Variants in LILRA1 observed in about 807,000 individuals in gnomAD.
The protein encoded by LILRA1 is leukocyte immunoglobulin like receptor A1, also known as leukocyte immunoglobulin-like receptor subfamily A member 1.
LILRA1 carries 51 observed loss-of-function variants against 51.6 expected under a neutral mutation model. The ratio of observed to expected loss-of-function variants is 0.99; its 90% CI spans 0.79 to 1.25. LILRA1 has a LOEUF of 1.25. LILRA1 is among the 50% of genes most tolerant of loss of function. The pLI is 0.00. For synonymous variants in LILRA1, 305 were observed against 248.4 expected (o/e 1.23, Z -2.14); for missense variants, 660 against 611.7 (o/e 1.08, Z -0.83).
In LILRA1 at chr19:54,595,252, C is replaced by T; in HGVS notation, c.511C>T (p.Gln171Ter). 4 of 1,614,110 alleles carry T rather than the reference C, an allele frequency of 2.5e-6. No homozygotes were observed. The highest frequency in any genetic ancestry group is 1.7e-6 in the Non-Finnish European group (2 of 1,180,004). The stretch of plus-strand genomic sequence containing the variant: ...TGAACACCCACAATGCCTGAACTCA[C>T]AGCCCCGTACCCATGGGTGGTCCCG... ...EDEHPQCLNS[Q>*]PRTHGWSRAI... The change falls in exon 5 of 10, where the codon CAG (glutamine) becomes TAG (stop). Residue 171 changes from glutamine to a stop codon, truncating the protein, a stop_gained. Coordinates refer to ENST00000251372, the MANE Select transcript of LILRA1 (RefSeq NM_006863.4). LOFTEE classifies it high-confidence loss of function.
At position 54,600,814 on chromosome 19, in the gene LILRA1, C is replaced by A; in HGVS notation, c.1467C>A (p.Leu489=). 1.2e-6 allele frequency: 2 copies of A among 1,614,106 alleles called. No individual in the cohort carries two copies. Among genetic ancestry groups the A allele is most frequent in the Non-Finnish European group, 8.5e-7 (1 of 1,179,982 alleles). Residue 489 remains leucine (L), a synonymous_variant, in exon 10 of 10, where the codon CTC becomes CTA. Coordinates refer to ENST00000251372, the MANE Select transcript of LILRA1 (RefSeq NM_006863.4). ...AGGCTCAGCACAGCCAGAGAAGCCT[C>A]TGAGATGCAGCCGGGAGGTGAACAG... ...LFEAQHSQRS[L]
At position 54,600,827 on chromosome 19, in the gene LILRA1, G is replaced by A. The variant is rs542847996; in HGVS notation, c.*10G>A. On this transcript the variant is annotated 3_prime_UTR_variant, in exon 10 of 10. Transcript: ENST00000251372. ...CCAGAGAAGCCTCTGAGATGCAGCCGGGAGGTGAACAGCAGAGAGAAGAAT... is the reference window on the plus strand; with the variant it reads ...CCAGAGAAGCCTCTGAGATGCAGCCAGGAGGTGAACAGCAGAGAGAAGAAT... The A allele has an allele frequency of 1.4e-5, 22 of 1,613,682 alleles. No homozygotes were observed. The Middle Eastern group carries it at 9.9e-4, about 73-fold the overall frequency.
chr19:54,595,572 G>C (rs1408211599), intron 5 of LILRA1, 67 bp from the exon 6 acceptor site: 10 of 1,560,494 alleles, frequency 6.4e-6, no homozygotes, highest in Non-Finnish European at 8.7e-6. Context: ...GAGGCCCCGG[G>C]GGAGAGGGAG....
intron 8 of LILRA1, 159 bp downstream of exon 8, chr19:54,599,445 T>C: frequency 7.8e-7 from 1 of 1,289,114 alleles, no homozygotes; most frequent in Middle Eastern, 3.1e-4. Flanking sequence ...AAGTATTTCA[T>C]TCCTTTACAT....
chr19:54,598,606 G>T (rs1017310531), intron 7 of LILRA1, among the ~76,000 whole-genome samples: 1 of 152,028 alleles, frequency 6.6e-6, no homozygotes, highest in African/African-American at 2.4e-5. Flanking sequence ...GCTTTAAATT[G>T]TTAATTTAGA....
Position 54,600,498 on chromosome 19 carries a change from GT to G in LILRA1, c.1313-9del. On this transcript the variant is annotated splice_polypyrimidine_tract_variant and intron_variant, in intron 8 of 9. Transcript: ENST00000251372. ...GGCTGGCTCAGGGCTCTTCCCCTCT[GT>G]TTTTATTCTCAGGAGCAGCTAACAC... is the stretch of plus-strand genomic sequence containing the variant. 6.2e-7 allele frequency: 1 copy of G among 1,614,078 alleles called. No individual in the cohort carries two copies. The highest frequency in any genetic ancestry group is 8.5e-7 in the Non-Finnish European group (1 of 1,179,972).
chr19:54,596,542 CT>C (rs1157727718), intron 7 of LILRA1, 51 bp downstream of exon 7: 1 of 1,610,468 alleles, frequency 6.2e-7, no homozygotes, highest in African/African-American at 1.3e-5. Flanking sequence ...AGCTCAGGCC[CT>C]GCCCCCCAGG....
Position 54,600,810 on chromosome 19 carries a change from G to A in LILRA1, c.1463G>A (p.Ser488Asn). 3 of 1,614,168 alleles carry A rather than the reference G, an allele frequency of 1.9e-6. No individual in the cohort carries two copies. The highest frequency in any genetic ancestry group is 1.6e-4 in the Middle Eastern group (1 of 6,062). The change falls in exon 10 of 10, where the codon AGC becomes AAC. Residue 488 changes from serine to asparagine, a missense_variant. Physicochemically the swap from Ser to Asn is conservative, Grantham distance 46. Coordinates refer to ENST00000251372, the MANE Select transcript of LILRA1 (RefSeq NM_006863.4). ...LLFEAQHSQR[S>N]L ...TTTGAGGCTCAGCACAGCCAGAGAA[G>A]CCTCTGAGATGCAGCCGGGAGGTGA...
rs1218873322 is a variant in LILRA1 at position 54,594,821 on chromosome 19, A to T, written c.227A>T (p.Glu76Val). 3 of 1,614,088 alleles carry T rather than the reference A, an allele frequency of 1.9e-6. No homozygotes were observed. Among genetic ancestry groups the T allele is most frequent in the African/African-American group, 1.3e-5 (1 of 75,022 alleles). ...CCCTGGATTACACGGATCCCACAGG[A>T]GATTGTGAAGAAGGGCCAGTTCCCC... Reference protein sequence around the residue: ...TAPWITRIPQEIVKKGQFPIP... With the variant: ...TAPWITRIPQVIVKKGQFPIP... Residue 76 changes from glutamate to valine, a missense_variant, in exon 4 of 10, where the codon GAG becomes GTG. Physicochemically the swap from Glu to Val is moderately radical, Grantham distance 121. Coordinates refer to ENST00000251372, the MANE Select transcript of LILRA1 (RefSeq NM_006863.4).
intron 7 of LILRA1, among the ~76,000 whole-genome samples, chr19:54,597,389 C>T (rs867668916): frequency 4.6e-5 from 7 of 152,184 alleles, no homozygotes; most frequent in African/African-American, 1.2e-4. Flanking sequence ...GGGGTCTTTC[C>T]CCCTCCCCGA....
intron 7 of LILRA1, 110 bp downstream of exon 7, chr19:54,596,601 C>CCTGTAA: frequency 6.8e-7 from 1 of 1,463,044 alleles, no homozygotes; most frequent in East Asian, 2.3e-5. Context: ...GGCACGGTGG[C>CCTGTAA]TTACACCTGT....
rs755503489 is a variant in LILRA1, at chr19:54,595,903, C to T, written c.926C>T (p.Ala309Val). ...GAYNLSSEWS[A>V]PSDPLDILIA... is the part of the protein sequence containing the mutation. ...TACAACCTCTCCTCCGAGTGGTCGG[C>T]CCCCAGCGACCCCCTGGACATCCTG... Residue 309 changes from alanine (A) to valine (V), a missense_variant, in exon 6 of 10, where the codon GCC becomes GTC. By Grantham distance (64) the Ala-to-Val change is moderately conservative. Coordinates refer to ENST00000251372, the MANE Select transcript of LILRA1 (RefSeq NM_006863.4). 3.1e-6 allele frequency: 5 copies of T among 1,613,222 alleles called. No homozygotes were observed. The highest frequency in any genetic ancestry group is 1.1e-5 in the South Asian group (1 of 91,038).
intron 8 of LILRA1, 83 bp downstream of exon 8, chr19:54,599,369 C>T: frequency 5.5e-6 from 8 of 1,463,620 alleles, no homozygotes; most frequent in Non-Finnish European, 7.4e-6. Context: ...CCTGGGTGGA[C>T]ATTTTAAAAA....
rs770245351 is a variant in LILRA1, at chr19:54,596,507, C to A, written c.1261+16C>A. ...ATGGTCTCAGGTGAGGGCCCTGACC[C>A]TGTCCTCTCCGAGCTCAAAGGATCA... On this transcript the variant is annotated intron_variant, in intron 7 of 9. Transcript: ENST00000251372. 15 of 1,613,960 alleles carry A rather than the reference C, an allele frequency of 9.3e-6. No individual in the cohort carries two copies. Among genetic ancestry groups the A allele is most frequent in the Non-Finnish European group, 2.5e-6 (3 of 1,179,982 alleles).
intron 7 of LILRA1, 148 bp from the exon 8 acceptor site, chr19:54,599,088 C>T (rs1410828938): frequency 1.7e-5 from 17 of 985,308 alleles, no homozygotes; most frequent in Non-Finnish European, 2.3e-5. Context: ...GCCACTGTGC[C>T]TGGCCTGAAT....
intron 6 of LILRA1, 56 bp from the exon 7 acceptor site, chr19:54,596,133 A>C (rs1355864974): frequency 2.5e-6 from 4 of 1,576,270 alleles, no homozygotes; most frequent in Non-Finnish European, 3.5e-6. Flanking sequence ...AAGCCTGGGG[A>C]GGCGTCAGCT....
Position 54,595,241 on chromosome 19 carries a change from G to A in LILRA1, c.500G>A (p.Cys167Tyr). ...CKEGEDEHPQ[C>Y]LNSQPRTHGW... The stretch of plus-strand genomic sequence containing the variant: ...GAAGGAGAAGATGAACACCCACAAT[G>A]CCTGAACTCACAGCCCCGTACCCAT... The change falls in exon 5 of 10, where the codon TGC (cysteine) becomes TAC (tyrosine). Residue 167 changes from cysteine to tyrosine, a missense_variant. Transcript: ENST00000251372. 1.2e-6 allele frequency: 2 copies of A among 1,614,050 alleles called. No homozygotes were observed. Among genetic ancestry groups the A allele is most frequent in the African/African-American group, 1.3e-5 (1 of 74,994 alleles).
At chr19:54,594,065 C>T (rs2062964668) in intron 1 of LILRA1, 132 bp from the exon 2 acceptor site, 1 of 986,168 alleles carries the variant, frequency 1.0e-6, no homozygotes, top group African/African-American at 1.7e-5. Flanking sequence ...AGTCAGGCTC[C>T]TGGTAGGGTA....
At chr19:54,598,046 G>A (rs17670440) in intron 7 of LILRA1, among the ~76,000 whole-genome samples, 4,395 of 151,402 alleles carry the variant, frequency 0.029, 91 homozygotes, top group Middle Eastern at 0.065. Context: ...AAGGCTCTGT[G>A]CTCAGGGCAC....
Sources: gnomAD v4.1 joint callset for allele counts (sites outside exome capture counted in the v4.1 genomes callset) on GRCh38, gnomAD v4.1.1 for gene constraint, MANE v1.5 for transcripts, NCBI Gene and HGNC (gene_info 2026-07-23, HGNC 2026-07-21) for gene names.